The following LPP variants were observed in gnomAD, a reference collection of about 807,000 sequenced individuals.
LPP encodes LIM domain containing preferred translocation partner in lipoma.
Under a neutral mutation model 60.4 loss-of-function variants are expected in LPP, and 38 were observed. The ratio of observed to expected loss-of-function variants is 0.63; its 90% CI spans 0.49 to 0.83. The LOEUF (loss-of-function observed/expected upper bound fraction) is 0.83, where lower values mean the gene tolerates loss of function less well. Ranked by LOEUF, LPP falls within the 40% of genes least tolerant of loss-of-function variation. The pLI is 0.00. For synonymous variants in LPP, 328 were observed against 290.8 expected (o/e 1.13, Z -1.30); for missense variants, 902 against 783.6 (o/e 1.15, Z -1.80).
At position 188,744,896 on chromosome 3, in the gene LPP, A is replaced by G. The variant is rs887883881; in HGVS notation, c.1241-15217A>G. ...AGGACTCCAGTCCGATTTTCCTCCC[A>G]TTCCTACCTGCCCTCTTGGTTTTGA... On this transcript the variant is annotated intron_variant, in intron 8 of 11. Coordinates refer to ENST00000617246, the MANE Select transcript of LPP (RefSeq NM_001375462.1). Among the ~76,000 whole-genome samples the G allele has an allele frequency of 3.6e-4, 55 of 151,998 alleles. 1 individual carries two copies. Among genetic ancestry groups the G allele is most frequent in the Non-Finnish European group, 1.8e-4 (12 of 67,980 alleles).
intron 7 of LPP, among the ~76,000 whole-genome samples, chr3:188,701,981 G>T (rs1464638837): frequency 9.2e-6 from 1 of 108,190 alleles, no homozygotes; most frequent in Non-Finnish European, 1.7e-5. Flanking sequence ...ACAGAGTCTC[G>T]CTCTGTCGCC....
chr3:188,551,565 G>A (rs977914687), intron 6 of LPP, among the ~76,000 whole-genome samples: 1 of 152,128 alleles, frequency 6.6e-6, no homozygotes, highest in African/African-American at 2.4e-5. Flanking sequence ...TGTAAAATAT[G>A]GACCTTCTCA....
intron 9 of LPP, among the ~76,000 whole-genome samples, chr3:188,773,773 T>G (rs1471387111): frequency 3.9e-5 from 6 of 152,146 alleles, no homozygotes; most frequent in African/African-American, 1.4e-4. Flanking sequence ...ATAACACATG[T>G]ACACGTAGTT....
chr3:188,431,450 A>G (rs1578843919), intron 4 of LPP, among the ~76,000 whole-genome samples: 1 of 152,202 alleles, frequency 6.6e-6, no homozygotes, highest in African/African-American at 2.4e-5. Flanking sequence ...ATAAAGAGCC[A>G]TGATTTTTAG....
At chr3:188,678,579 T>G (rs1049424959) in intron 7 of LPP, among the ~76,000 whole-genome samples, 3 of 152,234 alleles carry the variant, frequency 2.0e-5, no homozygotes, top group Admixed American at 1.3e-4. Flanking sequence ...AATCCTAGTC[T>G]TTCTGATTCC....
At chr3:188,484,066 C>T (rs1805584454) in intron 4 of LPP, among the ~76,000 whole-genome samples, 1 of 152,080 alleles carries the variant, frequency 6.6e-6, no homozygotes, top group Non-Finnish European at 1.5e-5. Context: ...TTTCTGATCG[C>T]CATGCCTACA....
chr3:188,389,451 G>C (rs1240402919), intron 3 of LPP, among the ~76,000 whole-genome samples: 1 of 152,122 alleles, frequency 6.6e-6, no homozygotes, highest in Non-Finnish European at 1.5e-5. Flanking sequence ...GGCTGTGCTT[G>C]ACCTCCTGCT....
In LPP at chr3:188,600,016, A is replaced by G. The variant is rs1275636296; in HGVS notation, c.430-9145A>G. Reference sequence around the variant, plus strand: ...AAATAAACAAAAACATAAAATGGAGAACAAAATTTTCTCTTAACTGCCTCA... The same window carrying G: ...AAATAAACAAAAACATAAAATGGAGGACAAAATTTTCTCTTAACTGCCTCA... On this transcript the variant is annotated intron_variant, in intron 6 of 11. Transcript: ENST00000617246. Among the ~76,000 whole-genome samples, 4 of 151,874 alleles carry G rather than the reference A, an allele frequency of 2.6e-5. No homozygotes were observed. In the South Asian group the frequency reaches 8.3e-4, roughly 32 times the overall value.
chr3:188,429,983 G>A (rs1790489657), intron 4 of LPP, among the ~76,000 whole-genome samples: 1 of 152,124 alleles, frequency 6.6e-6, no homozygotes, highest in Admixed American at 6.6e-5. Flanking sequence ...GTGTATTTTT[G>A]AAAGAACTAC....
intron 2 of LPP, among the ~76,000 whole-genome samples, chr3:188,251,479 T>A (rs1729612355): frequency 6.6e-6 from 1 of 152,122 alleles, no homozygotes; most frequent in Admixed American, 6.5e-5. Context: ...TTATAGCCTC[T>A]TTCAATGACT....
intron 3 of LPP, among the ~76,000 whole-genome samples, chr3:188,356,678 C>G (rs1339207922): frequency 6.6e-6 from 1 of 152,194 alleles, no homozygotes. Flanking sequence ...AACCTGGTCA[C>G]TATGGAAGTT....
At position 188,760,263 on chromosome 3, in the gene LPP, A is replaced by G. The variant is rs2150478985; in HGVS notation, c.1391A>G (p.Tyr464Cys). The change falls in exon 9 of 12, where the codon TAC (tyrosine) becomes TGC (cysteine). Residue 464 changes from tyrosine to cysteine, a missense_variant. Tyr to Cys is a radical substitution (Grantham distance 194). Coordinates refer to ENST00000617246, the MANE Select transcript of LPP (RefSeq NM_001375462.1). ...QPFYAVEKKA[Y>C]CEPCYINTLE... ...TTCTATGCTGTGGAAAAGAAAGCAT[A>G]CTGCGAGCCCTGCTACATTGTAAGT... 1 of 1,614,128 alleles carries G rather than the reference A, an allele frequency of 6.2e-7. No homozygotes were observed. The highest frequency in any genetic ancestry group is 2.2e-5 in the East Asian group (1 of 44,874).
At chr3:188,439,608 T>C (rs981110458) in intron 4 of LPP, among the ~76,000 whole-genome samples, 1 of 152,232 alleles carries the variant, frequency 6.6e-6, no homozygotes, top group African/African-American at 2.4e-5. Context: ...TATACTTCTT[T>C]TATACCTGGC....
intron 8 of LPP, chr3:188,746,676 A>G (rs1158222797): frequency 2.5e-6 from 1 of 393,310 alleles, no homozygotes; most frequent in Non-Finnish European, 5.1e-6. Flanking sequence ...GGTTTCTGGG[A>G]GCTCCCTATA....
At chr3:188,634,438 G>A (rs1408657400) in intron 7 of LPP, among the ~76,000 whole-genome samples, 2 of 152,196 alleles carry the variant, frequency 1.3e-5, no homozygotes, top group Non-Finnish European at 2.9e-5. Context: ...CAGGCACAGA[G>A]CAGGGGTGCC....
At chr3:188,238,743 A>G (rs1234179674) in intron 2 of LPP, among the ~76,000 whole-genome samples, 1 of 152,234 alleles carries the variant, frequency 6.6e-6, no homozygotes, top group Non-Finnish European at 1.5e-5. Context: ...ACAGATCACC[A>G]TAATACATAT....
intron 7 of LPP, among the ~76,000 whole-genome samples, chr3:188,691,349 A>T (rs939420328): frequency 3.9e-5 from 6 of 152,236 alleles, no homozygotes; most frequent in African/African-American, 1.4e-4. Flanking sequence ...TGCTCTACTT[A>T]GAAATCTGTG....
chr3:188,541,781 C>T (rs532268423), intron 6 of LPP, among the ~76,000 whole-genome samples: 1 of 152,000 alleles, frequency 6.6e-6, no homozygotes, highest in East Asian at 1.9e-4. Context: ...CCTGTAATCC[C>T]AGCTACTTAG....
At chr3:188,611,913 A>C (rs1281498693) in intron 7 of LPP, among the ~76,000 whole-genome samples, 1 of 152,214 alleles carries the variant, frequency 6.6e-6, no homozygotes, top group African/African-American at 2.4e-5. Context: ...GGGTCCAGCC[A>C]CATCCCTAAC....
Sources: allele counts gnomAD v4.1 joint callset (sites outside exome capture counted in the v4.1 genomes callset), GRCh38; gene constraint gnomAD v4.1.1; transcripts MANE v1.5; gene names NCBI Gene and HGNC (gene_info 2026-07-23, HGNC 2026-07-21).